Variants in STXBP5 observed in about 807,000 individuals in gnomAD.
The protein encoded by STXBP5 is syntaxin-binding protein 5.
STXBP5 carries 50 observed loss-of-function variants against 152.4 expected under a neutral mutation model. That is an observed-to-expected ratio of 0.33 (90% confidence interval 0.26 to 0.42). The LOEUF is 0.42. Among genes scored for constraint, STXBP5 ranks in the 10% least tolerant of loss-of-function variants. STXBP5 has a pLI of 1.00. For missense variants in STXBP5, 1,167 were observed against 1,388.6 expected, an observed-to-expected ratio of 0.84 and a Z score of 2.54; for synonymous variants, 492 against 494.7, an observed-to-expected ratio of 0.99 and a Z score of 0.07.
chr6:147,244,813 G>A lies in STXBP5; in HGVS notation c.431+5543G>A, dbSNP rs138818434. 5.9e-5 allele frequency among the ~76,000 whole-genome samples: 9 copies of A among 151,872 alleles called. No individual in the cohort carries two copies. In the East Asian group the frequency reaches 1.6e-3, roughly 26 times the overall value. The stretch of plus-strand genomic sequence containing the variant: ...CCACGATTTTCTGCCCTCCTTTTTT[G>A]TTTCTATGAGAAATTAGTGGTTGTT... On this transcript the variant is annotated intron_variant, in intron 4 of 27. Transcript: ENST00000321680.
chr6:147,205,456 T>G (rs1476540910), intron 1 of STXBP5, among the ~76,000 whole-genome samples: 1 of 151,784 alleles, frequency 6.6e-6, no homozygotes, highest in African/African-American at 2.4e-5. Flanking sequence ...ATGTATGTTG[T>G]ACTCATCTTC....
At chr6:147,332,771 T>C (rs768868753) in intron 18 of STXBP5, among the ~76,000 whole-genome samples, 1 of 152,240 alleles carries the variant, frequency 6.6e-6, no homozygotes, top group African/African-American at 2.4e-5. Context: ...AGTTGTTTAA[T>C]TTAATATCTA....
intron 10 of STXBP5, among the ~76,000 whole-genome samples, chr6:147,310,823 C>T (rs1782335721): frequency 6.6e-6 from 1 of 152,058 alleles, no homozygotes; most frequent in Admixed American, 6.6e-5. Flanking sequence ...GGGCTTGACT[C>T]AGAATCTACT....
chr6:147,356,666 C>G (rs1784827726), intron 22 of STXBP5, among the ~76,000 whole-genome samples: 1 of 151,996 alleles, frequency 6.6e-6, no homozygotes, highest in African/African-American at 2.4e-5. Flanking sequence ...TTTTCAGAGG[C>G]TACCTATAAT....
At position 147,387,386 on chromosome 6, in the gene STXBP5, TG is replaced by T. The variant is rs1342947396; in HGVS notation, c.*2632del. On this transcript the variant is annotated 3_prime_UTR_variant, in exon 28 of 28. Transcript: ENST00000321680. Reference sequence around the variant, plus strand: ...TTGTGTGCCCTCTCCATATCCTCATTGTTTTTGTTGCATTTGTCCTTGACTC... The same window carrying T: ...TTGTGTGCCCTCTCCATATCCTCATTTTTTTGTTGCATTTGTCCTTGACTC... 6.6e-6 allele frequency: 1 copy of T among 151,752 alleles called. No individual in the cohort carries two copies. The highest frequency in any genetic ancestry group is 1.9e-4 in the East Asian group (1 of 5,178). The allele number at this position is 151,752 out of a possible 1,614,324, so 9.4% of individuals were successfully genotyped here. A position where few individuals can be genotyped will look rare whatever the true frequency, so the allele number is the denominator to read the frequency against.
intron 6 of STXBP5, among the ~76,000 whole-genome samples, chr6:147,263,433 C>T (rs1779740517): frequency 6.7e-6 from 1 of 149,698 alleles, no homozygotes; most frequent in Non-Finnish European, 1.5e-5. Context: ...CTCAAGTGAT[C>T]CTCCTGCCTT....
intron 22 of STXBP5, among the ~76,000 whole-genome samples, chr6:147,356,793 A>G (rs1784834796): frequency 6.6e-6 from 1 of 152,180 alleles, no homozygotes; most frequent in Admixed American, 6.6e-5. Flanking sequence ...TTTATTTAAT[A>G]AAGTACAACT....
chr6:147,322,622 C>G (rs1782993452), intron 16 of STXBP5, among the ~76,000 whole-genome samples: 1 of 152,194 alleles, frequency 6.6e-6, no homozygotes, highest in African/African-American at 2.4e-5. Context: ...CACACACTGT[C>G]ATTTCAAGGC....
At chr6:147,276,495 T>C (rs1423798672) in intron 7 of STXBP5, among the ~76,000 whole-genome samples, 1 of 152,136 alleles carries the variant, frequency 6.6e-6, no homozygotes, top group African/African-American at 2.4e-5. Flanking sequence ...AGTATTTCTC[T>C]ACATATGATA....
At chr6:147,341,103 G>T (rs552484652) in intron 21 of STXBP5, among the ~76,000 whole-genome samples, 2 of 152,004 alleles carry the variant, frequency 1.3e-5, no homozygotes, top group Non-Finnish European at 2.9e-5. Context: ...CAAGATTTGG[G>T]TATACAGAAG....
intron 25 of STXBP5, among the ~76,000 whole-genome samples, 154 bp from the exon 26 acceptor site, chr6:147,373,577 T>C (rs1333765467): frequency 6.6e-6 from 1 of 152,132 alleles, no homozygotes; most frequent in Non-Finnish European, 1.5e-5. Flanking sequence ...AATCAGCACG[T>C]TCTGTATCTG....
chr6:147,383,341 AAG>A (rs1200840446), intron 27 of STXBP5, among the ~76,000 whole-genome samples: 3 of 152,128 alleles, frequency 2.0e-5, no homozygotes, highest in African/African-American at 7.2e-5. Flanking sequence ...GTCCTAGAAA[AAG>A]AAATAATTTG....
At chr6:147,371,064 TATTTCTGA>T (rs1785518452) in intron 25 of STXBP5, among the ~76,000 whole-genome samples, 1 of 152,056 alleles carries the variant, frequency 6.6e-6, no homozygotes, top group Non-Finnish European at 1.5e-5. Flanking sequence ...CAAGTATATT[TATTTCTGA>T]ATATTTATAT....
chr6:147,336,088 AAC>A, intron 19 of STXBP5, among the ~76,000 whole-genome samples: 1 of 152,324 alleles, frequency 6.6e-6, no homozygotes, highest in Admixed American at 6.5e-5. Context: ...TATTCTGAAA[AAC>A]ATAGGAATTC....
At chr6:147,296,467 C>T (rs1781531738) in intron 9 of STXBP5, among the ~76,000 whole-genome samples, 1 of 151,948 alleles carries the variant, frequency 6.6e-6, no homozygotes, top group African/African-American at 2.4e-5. Flanking sequence ...TAGCATAACA[C>T]CCATATACAG....
chr6:147,208,675 G>A lies in STXBP5; in HGVS notation c.248+2607G>A, dbSNP rs558029131. On this transcript the variant is annotated intron_variant, in intron 2 of 27. Transcript: ENST00000321680. ...TTTCCTTGCAGATTGAAAAGTAGGC[G>A]ATGTTTTCAGAAGTAAGATTAGGCT... 3.3e-5 allele frequency among the ~76,000 whole-genome samples: 5 copies of A among 152,200 alleles called. No homozygotes were observed. The South Asian group carries it at 8.3e-4, about 25-fold the overall frequency.
At chr6:147,367,648 AAAAC>A (rs1157967911) in intron 25 of STXBP5, among the ~76,000 whole-genome samples, 2 of 152,204 alleles carry the variant, frequency 1.3e-5, no homozygotes, top group East Asian at 3.9e-4. Flanking sequence ...AAAAAACAAA[AAAAC>A]AAAAACTGAG....
chr6:147,287,532 G>T (rs1031062367), intron 8 of STXBP5, among the ~76,000 whole-genome samples: 1 of 152,166 alleles, frequency 6.6e-6, no homozygotes, highest in African/African-American at 2.4e-5. Context: ...TTAAAGAGTG[G>T]AACTGGATTG....
intron 7 of STXBP5, among the ~76,000 whole-genome samples, chr6:147,269,135 A>G (rs947378774): frequency 4.6e-5 from 7 of 152,220 alleles, no homozygotes; most frequent in Non-Finnish European, 1.0e-4. Flanking sequence ...TAAGGCTTGG[A>G]TAAGATCCAC....
Sources: allele counts gnomAD v4.1 joint callset (sites outside exome capture counted in the v4.1 genomes callset), GRCh38; gene constraint gnomAD v4.1.1; transcripts MANE v1.5; gene names NCBI Gene and HGNC (gene_info 2026-07-23, HGNC 2026-07-21).